The following NPR1 variants were observed in gnomAD, a reference collection of about 807,000 sequenced individuals.
The protein encoded by NPR1 is atrial natriuretic peptide receptor 1.
Under a neutral mutation model 116.9 loss-of-function variants are expected in NPR1, and 57 were observed. The ratio of observed to expected loss-of-function variants is 0.49; its 90% CI spans 0.39 to 0.61. The LOEUF is 0.61. NPR1 is among the 20% of genes least tolerant of loss of function. The pLI is 0.00. For missense variants in NPR1, 1,096 were observed against 1,409.8 expected, an observed-to-expected ratio of 0.78 and a Z score of 3.56; for synonymous variants, 555 against 601.6, an observed-to-expected ratio of 0.92 and a Z score of 1.13.
At chr1:153,682,980 T>C (rs972452888) in intron 5 of NPR1, among the ~76,000 whole-genome samples, 4 of 152,228 alleles carry the variant, frequency 2.6e-5, no homozygotes, top group Non-Finnish European at 5.9e-5. Context: ...AGAGAAGGCC[T>C]CCTGGAAGAC....
chr1:153,679,599 A>G lies in NPR1; in HGVS notation c.491A>G (p.Lys164Arg). Reference sequence around the variant, plus strand: ...ACCCGCGCGGGGCCCAGCTACGCCAAGCTGGGGGACTTCGTGGCGGCGCTG... The same window carrying G: ...ACCCGCGCGGGGCCCAGCTACGCCAGGCTGGGGGACTTCGTGGCGGCGCTG... ...LTTRAGPSYAKLGDFVAALHR... is the reference protein window; with the variant it reads ...LTTRAGPSYARLGDFVAALHR... Residue 164 changes from lysine (K) to arginine (R), a missense_variant, in exon 1 of 22, where the codon AAG (lysine) becomes AGG (arginine). By Grantham distance (26) the Lys-to-Arg change is conservative (BLOSUM62 2). Coordinates refer to ENST00000368680, the MANE Select transcript of NPR1 (RefSeq NM_000906.4). The surrounding 1 kb of genome is among the most constrained non-coding windows in gnomAD (Gnocchi z 4.2). The G allele has an allele frequency of 6.3e-7, 1 of 1,580,922 alleles. No homozygotes were observed. Among genetic ancestry groups the G allele is most frequent in the Non-Finnish European group, 8.6e-7 (1 of 1,166,868 alleles).
intron 5 of NPR1, among the ~76,000 whole-genome samples, chr1:153,683,031 C>T (rs2101730985): frequency 6.6e-6 from 1 of 152,316 alleles, no homozygotes; most frequent in Admixed American, 6.5e-5. Flanking sequence ...CTAAGGTGAA[C>T]ATTACCTTCT....
In NPR1 at chr1:153,686,663, T is replaced by A; in HGVS notation, c.1776T>A (p.Asn592Lys). 1 of 1,613,876 alleles carries A rather than the reference T, an allele frequency of 6.2e-7. No homozygotes were observed. The highest frequency in any genetic ancestry group is 1.7e-5 in the Admixed American group (1 of 59,990). Residue 592 changes from asparagine (N) to lysine (K), a missense_variant, in exon 11 of 22, where the codon AAT becomes AAA. Physicochemically the swap from Asn to Lys is moderately conservative, Grantham distance 94. Transcript: ENST00000368680. Reference sequence around the variant, plus strand: ...ACTTGCAGATGCGGGATGTGCAGAATGAACACCTGACCAGGTTTGTGGGAG... The same window carrying A: ...ACTTGCAGATGCGGGATGTGCAGAAAGAACACCTGACCAGGTTTGTGGGAG... Reference protein sequence around the residue: ...FELKHMRDVQNEHLTRFVGAC... With the variant: ...FELKHMRDVQKEHLTRFVGAC...
intron 15 of NPR1, chr1:153,688,658 A>G (rs920016036): frequency 1.5e-5 from 7 of 481,192 alleles, no homozygotes; most frequent in Non-Finnish European, 2.6e-5. Context: ...TTTGTCCGCA[A>G]TTGACCCTTG....
chr1:153,685,067 C>G lies in NPR1; in HGVS notation c.1588C>G (p.Arg530Gly), dbSNP rs556696023. ...LERHLRSAGSRLTLSGRGSNY... is the reference protein window; with the variant it reads ...LERHLRSAGSGLTLSGRGSNY... ...GAGGCACCTGCGGAGTGCAGGCAGC[C>G]GGCTGACCCTGAGCGGGGTAAGAAC... Residue 530 changes from arginine to glycine, a missense_variant, in exon 8 of 22, where the codon CGG becomes GGG. Coordinates refer to ENST00000368680, the MANE Select transcript of NPR1 (RefSeq NM_000906.4). The G allele has an allele frequency of 6.2e-7, 1 of 1,613,916 alleles. No individual in the cohort carries two copies. Among genetic ancestry groups the G allele is most frequent in the Non-Finnish European group, 8.5e-7 (1 of 1,179,976 alleles).
chr1:153,679,971 C>T lies in NPR1; in HGVS notation c.721+142C>T. On this transcript the variant is annotated intron_variant, in intron 1 of 21. Coordinates refer to ENST00000368680, the MANE Select transcript of NPR1 (RefSeq NM_000906.4). The surrounding 1 kb of genome is among the most constrained non-coding windows in gnomAD (Gnocchi z 4.2). ...CTTCATTCTACTTTCAGCTCCCTGGCCCTTTCTACAGCTGAGTTTCTATTT... is the reference window on the plus strand; with the variant it reads ...CTTCATTCTACTTTCAGCTCCCTGGTCCTTTCTACAGCTGAGTTTCTATTT... 8.6e-7 allele frequency: 1 copy of T among 1,161,802 alleles called. No homozygotes were observed. The highest frequency in any genetic ancestry group is 1.2e-6 in the Non-Finnish European group (1 of 843,542). The allele number at this position is 1,161,802 out of a possible 1,614,324, so 72.0% of individuals were successfully genotyped here.
chr1:153,680,071 C>A (rs1215544402), intron 1 of NPR1, among the ~76,000 whole-genome samples: 1 of 151,970 alleles, frequency 6.6e-6, no homozygotes, highest in Non-Finnish European at 1.5e-5. Context: ...CCCTCCCACC[C>A]TAGCACAGCT....
At chr1:153,692,300 A>T (rs1670128375) in intron 20 of NPR1, among the ~76,000 whole-genome samples, 1 of 152,190 alleles carries the variant, frequency 6.6e-6, no homozygotes, top group Non-Finnish European at 1.5e-5. Flanking sequence ...ATCCAAGCTG[A>T]GGTTCATACT....
intron 20 of NPR1, among the ~76,000 whole-genome samples, chr1:153,690,739 C>G (rs956204617): frequency 6.6e-6 from 1 of 151,768 alleles, no homozygotes; most frequent in South Asian, 2.1e-4. Context: ...GTCGGGGGTT[C>G]GAGACCAGCC....
rs1669938821 is a variant in NPR1, at chr1:153,686,722, C to T, written c.1835C>T (p.Thr612Ile). 2.5e-6 allele frequency: 4 copies of T among 1,613,962 alleles called. No homozygotes were observed. The highest frequency in any genetic ancestry group is 8.5e-7 in the Non-Finnish European group (1 of 1,179,918). ...CTDPPNICIL[T>I]EYCPRGSLQD... ...GACCCCCCCAATATCTGCATCCTCA[C>T]AGAGTACTGTCCCCGTGGGAGCCTG... The change falls in exon 11 of 22, where the codon ACA becomes ATA. Residue 612 changes from threonine (T) to isoleucine (I), a missense_variant. Physicochemically the swap from Thr to Ile is moderately conservative, Grantham distance 89. Transcript: ENST00000368680.
rs1224679095 is a variant in NPR1 at position 153,687,270 on chromosome 1, A to G, written c.2006A>G (p.Asp669Gly). The change falls in exon 13 of 22, where the codon GAT (aspartate) becomes GGT (glycine). Residue 669 changes from aspartate to glycine, a missense_variant. Coordinates refer to ENST00000368680, the MANE Select transcript of NPR1 (RefSeq NM_000906.4). ...CTCAAGTCATCCAACTGCGTGGTAG[A>G]TGGGCGCTTTGTGCTCAAGATCACC... ...GNLKSSNCVV[D>G]GRFVLKITDY... is the part of the protein sequence containing the mutation. 2 of 1,614,122 alleles carry G rather than the reference A, an allele frequency of 1.2e-6. No homozygotes were observed. Among genetic ancestry groups the G allele is most frequent in the Admixed American group, 1.7e-5 (1 of 60,012 alleles).
At chr1:153,685,951 G>A (rs113049607) in intron 9 of NPR1, 71 bp downstream of exon 9, 13 of 1,486,300 alleles carry the variant, frequency 8.7e-6, no homozygotes, top group African/African-American at 2.8e-5. Context: ...GACTGGTGGG[G>A]GGTTCTGAGG....
At position 153,680,584 on chromosome 1, in the gene NPR1, G is replaced by A. The variant is rs1557960037; in HGVS notation, c.805G>A (p.Val269Ile). ...AGCTGGCTTGTGTGGGGAGGACTACGTTTTCTTCCACCTGGATATCTTTGG... is the reference window on the plus strand; with the variant it reads ...AGCTGGCTTGTGTGGGGAGGACTACATTTTCTTCCACCTGGATATCTTTGG... Reference protein sequence around the residue: ...LEAGLCGEDYVFFHLDIFGQS... With the variant: ...LEAGLCGEDYIFFHLDIFGQS... Residue 269 changes from valine (V) to isoleucine (I), a missense_variant, in exon 2 of 22, where the codon GTT becomes ATT. By Grantham distance (29) the Val-to-Ile change is conservative. Transcript: ENST00000368680. The A allele has an allele frequency of 6.2e-7, 1 of 1,614,150 alleles. No individual in the cohort carries two copies.
chr1:153,686,819 A>AC (rs1352925673), intron 11 of NPR1, 69 bp downstream of exon 11: 4 of 1,439,418 alleles, frequency 2.8e-6, no homozygotes, highest in Admixed American at 1.8e-5. Context: ...TGGCCATAAG[A>AC]CCCCAGGCAT....
At chr1:153,681,390 T>A in intron 3 of NPR1, 97 bp downstream of exon 3, 1 of 752,838 alleles carries the variant, frequency 1.3e-6, no homozygotes, top group Non-Finnish European at 2.3e-6. Flanking sequence ...AGTTCTCCCC[T>A]TCCTTCCCTC....
At position 153,689,084 on chromosome 1, in the gene NPR1, A is replaced by T; in HGVS notation, c.2549A>T (p.Tyr850Phe). ...AAGCGCAAGGCTGAGGCCCTGCTCT[A>T]CCAGATCCTGCCTCAGTGAGTGCCT... ...EEKRKAEALL[Y>F]QILPHSVAEQ... Residue 850 changes from tyrosine to phenylalanine, a missense_variant, in exon 16 of 22, where the codon TAC becomes TTC. Tyr to Phe is a conservative substitution (Grantham distance 22). Coordinates refer to ENST00000368680, the MANE Select transcript of NPR1 (RefSeq NM_000906.4). This position sits in a 1 kb window ranked among gnomAD's most constrained non-coding sequence, Gnocchi z 5.1. 6.2e-7 allele frequency: 1 copy of T among 1,614,152 alleles called. No homozygotes were observed. Among genetic ancestry groups the T allele is most frequent in the Non-Finnish European group, 8.5e-7 (1 of 1,180,006 alleles).
At chr1:153,680,121 C>T (rs974857169) in intron 1 of NPR1, among the ~76,000 whole-genome samples, 6 of 151,692 alleles carry the variant, frequency 4.0e-5, no homozygotes, top group African/African-American at 1.2e-4. Flanking sequence ...TTTCTCTCTT[C>T]CCTATAGCCT....
rs1389898706 is a variant in NPR1 at position 153,686,798 on chromosome 1, C to T, written c.1863+48C>T. The T allele has an allele frequency of 2.6e-6, 4 of 1,527,384 alleles. No homozygotes were observed. In the East Asian group the frequency reaches 6.8e-5, roughly 26 times the overall value. 94.6% of individuals were successfully genotyped at this position (1,527,384 alleles called of 1,614,324 possible). A position where few individuals can be genotyped will look rare whatever the true frequency, so the allele number is the denominator to read the frequency against. ...AGAAACCTGGGTTCTAGCCCTGGCT[C>T]TGCCCCTGACTGGCCATAAGACCCC... On this transcript the variant is annotated intron_variant, in intron 11 of 21. Transcript: ENST00000368680.
In NPR1 at chr1:153,679,523, G is replaced by A. The variant is rs1669700860; in HGVS notation, c.415G>A (p.Ala139Thr). 1.3e-6 allele frequency: 2 copies of A among 1,536,444 alleles called. No individual in the cohort carries two copies. Among genetic ancestry groups the A allele is most frequent in the Non-Finnish European group, 1.7e-6 (2 of 1,146,142 alleles). ...GCACTGGCGGGTCCCGCTGCTGACC[G>A]CCGGCGCCCCGGCGCTGGGCTTCGG... ...TAHWRVPLLT[A>T]GAPALGFGVK... The change falls in exon 1 of 22, where the codon GCC (alanine) becomes ACC (threonine). Residue 139 changes from alanine to threonine, a missense_variant. By Grantham distance (58) the Ala-to-Thr change is moderately conservative. Transcript: ENST00000368680. This position sits in a 1 kb window ranked among gnomAD's most constrained non-coding sequence, Gnocchi z 4.2.
Sources: gnomAD v4.1 joint callset for allele counts (sites outside exome capture counted in the v4.1 genomes callset) on GRCh38, gnomAD v4.1.1 for gene constraint, Gnocchi (gnomAD v3.1) non-coding constraint, MANE v1.5 for transcripts, NCBI Gene and HGNC (gene_info 2026-07-23, HGNC 2026-07-21) for gene names.